The following NEDD9 variants were observed in gnomAD, a reference collection of about 807,000 sequenced individuals.
NEDD9 encodes neural precursor cell expressed, developmentally down-regulated 9.
In NEDD9, 26 loss-of-function variants were observed where a neutral mutation model predicts 76.6. The ratio of observed to expected loss-of-function variants is 0.34; its 90% CI spans 0.25 to 0.47. The LOEUF is 0.47. NEDD9 is among the 20% of genes least tolerant of loss of function. The pLI, the probability that NEDD9 is intolerant of heterozygous loss-of-function variation, is 1.00. For missense variants in NEDD9, 937 were observed against 1,058.5 expected (o/e 0.89, Z 1.59); for synonymous variants, 392 against 414.2 (o/e 0.95, Z 0.65).
intron 6 of NEDD9, among the ~76,000 whole-genome samples, chr6:11,187,787 A>C (rs573327299): frequency 1.3e-5 from 2 of 152,310 alleles, no homozygotes; most frequent in South Asian, 4.1e-4. Context: ...GACTGATAGA[A>C]AGAAGCAAAG....
intron 1 of NEDD9, among the ~76,000 whole-genome samples, chr6:11,337,696 C>T (rs923589403): frequency 8.5e-5 from 13 of 152,192 alleles, no homozygotes; most frequent in Admixed American, 3.9e-4. Flanking sequence ...AGTGCAGTAT[C>T]GGGCATCAGT....
rs1346842286 is a variant in NEDD9 at position 11,183,516 on chromosome 6, C to T, written c.*1646G>A. On this transcript the variant is annotated 3_prime_UTR_variant, in exon 7 of 7. Transcript: ENST00000379446. The stretch of plus-strand genomic sequence containing the variant: ...TCAAGCGTTGTTGATTTTCAGCAAC[C>T]CTCTTCCCACATGAACATTTCCTTG... The T allele has an allele frequency of 6.6e-6, 1 of 152,146 alleles. No individual in the cohort carries two copies. The highest frequency in any genetic ancestry group is 1.5e-5 in the Non-Finnish European group (1 of 68,020). 9.4% of individuals were successfully genotyped at this position (152,146 alleles called of 1,614,324 possible). A position where few individuals can be genotyped will look rare whatever the true frequency, so the allele number is the denominator to read the frequency against.
At chr6:11,281,631 G>A (rs1211699678) in intron 3 of NEDD9, among the ~76,000 whole-genome samples, 2 of 152,194 alleles carry the variant, frequency 1.3e-5, no homozygotes, top group Non-Finnish European at 2.9e-5. Context: ...TGGGATTACA[G>A]GCATGAGCCA....
At chr6:11,275,805 T>C (rs1453489086) in intron 3 of NEDD9, among the ~76,000 whole-genome samples, 3 of 152,198 alleles carry the variant, frequency 2.0e-5, no homozygotes, top group Non-Finnish European at 4.4e-5. Flanking sequence ...GCCACTCAAA[T>C]CACTCAGCAT....
chr6:11,242,695 G>C (rs1759732573), intron 3 of NEDD9, among the ~76,000 whole-genome samples: 2 of 151,794 alleles, frequency 1.3e-5, no homozygotes, highest in South Asian at 2.1e-4. Flanking sequence ...TCCCCTCTCT[G>C]ATGTGCCCCC....
intron 2 of NEDD9, among the ~76,000 whole-genome samples, chr6:11,308,361 CTTTTTTTTTTT>C (rs933892327): frequency 4.6e-5 from 4 of 87,852 alleles, no homozygotes; most frequent in South Asian, 4.2e-4. Context: ...GATGGGACAT[CTTTTTTTTTTT>C]TTTTTTTTTT....
chr6:11,323,170 T>C (rs1761848873), intron 2 of NEDD9, among the ~76,000 whole-genome samples: 1 of 152,240 alleles, frequency 6.6e-6, no homozygotes, highest in African/African-American at 2.4e-5. Context: ...AAAATCTTTG[T>C]AGGCCTCAGG....
intron 3 of NEDD9, among the ~76,000 whole-genome samples, chr6:11,290,114 G>A (rs4713345): frequency 0.16 from 23,741 of 152,162 alleles, 1,918 homozygotes; most frequent in Middle Eastern, 0.24. Flanking sequence ...ACAGCCTTAC[G>A]ATTCCGTTAA....
At chr6:11,372,869 T>C (rs971649576) in intron 1 of NEDD9, among the ~76,000 whole-genome samples, 1 of 152,218 alleles carries the variant, frequency 6.6e-6, no homozygotes, top group African/African-American at 2.4e-5. Context: ...CATGGCCACA[T>C]ATATCATGTA....
intron 1 of NEDD9, among the ~76,000 whole-genome samples, chr6:11,351,376 G>T (rs767907806): frequency 7.2e-5 from 11 of 152,158 alleles, no homozygotes; most frequent in Non-Finnish European, 1.6e-4. Context: ...TCATGGAGCT[G>T]GGGCTTCATC....
intron 1 of NEDD9, among the ~76,000 whole-genome samples, chr6:11,344,471 G>A (rs776924938): frequency 3.2e-4 from 48 of 152,224 alleles, no homozygotes; most frequent in Non-Finnish European, 6.5e-4. Context: ...AGATCAAGCT[G>A]CATTTAAGTT....
chr6:11,236,427 A>G (rs1019153465), upstream of NEDD9, among the ~76,000 whole-genome samples: 1 of 152,248 alleles, frequency 6.6e-6, no homozygotes, highest in Non-Finnish European at 1.5e-5. This position sits in a 1 kb window ranked among gnomAD's most constrained non-coding sequence, Gnocchi z 5.5. Context: ...ACAGCAAAAA[A>G]TCAAGAGGAG....
intron 1 of NEDD9, among the ~76,000 whole-genome samples, chr6:11,228,160 G>GT (rs1759364632): frequency 6.6e-6 from 1 of 152,002 alleles, no homozygotes; most frequent in South Asian, 2.1e-4. Flanking sequence ...TTAAAGAAGC[G>GT]TAAGGAAAGC....
chr6:11,329,726 T>A (rs1761994169), intron 2 of NEDD9, among the ~76,000 whole-genome samples: 1 of 151,798 alleles, frequency 6.6e-6, no homozygotes, highest in Non-Finnish European at 1.5e-5. Flanking sequence ...CATTTAGCAA[T>A]GTCTCGAGAT....
intron 3 of NEDD9, among the ~76,000 whole-genome samples, chr6:11,298,683 T>G (rs1760962285): frequency 6.6e-6 from 1 of 152,214 alleles, no homozygotes; most frequent in Non-Finnish European, 1.5e-5. Flanking sequence ...AATTGGTATT[T>G]ATATTGAATG....
intron 3 of NEDD9, among the ~76,000 whole-genome samples, chr6:11,277,782 G>A (rs1760446782): frequency 1.3e-5 from 2 of 152,204 alleles, no homozygotes; most frequent in Admixed American, 6.5e-5. Context: ...CGGATGTTGT[G>A]TAGCGTTCAC....
At chr6:11,208,806 G>C (rs1471327390) in intron 2 of NEDD9, among the ~76,000 whole-genome samples, 1 of 152,240 alleles carries the variant, frequency 6.6e-6, no homozygotes, top group Non-Finnish European at 1.5e-5. Flanking sequence ...AACTCAGGTA[G>C]CAATTTCACT....
At chr6:11,235,568 G>A (rs573269079), upstream of NEDD9, among the ~76,000 whole-genome samples, 1 of 152,202 alleles carries the variant, frequency 6.6e-6, no homozygotes, top group Non-Finnish European at 1.5e-5. The surrounding 1 kb of genome is among the most constrained non-coding windows in gnomAD (Gnocchi z 4.1). Flanking sequence ...GAAAAATTAA[G>A]CAGGGAAAAT....
chr6:11,205,920 G>A (rs950839728), intron 2 of NEDD9, among the ~76,000 whole-genome samples: 11 of 152,154 alleles, frequency 7.2e-5, no homozygotes, highest in African/African-American at 1.9e-4. Context: ...GCGCCACTGC[G>A]CCCGACCTAC....
Sources: gnomAD v4.1 joint callset for allele counts (sites outside exome capture counted in the v4.1 genomes callset) on GRCh38, gnomAD v4.1.1 for gene constraint, Gnocchi (gnomAD v3.1) non-coding constraint, MANE v1.5 for transcripts, NCBI Gene and HGNC (gene_info 2026-07-23, HGNC 2026-07-21) for gene names.